The following RHEX variants were observed in gnomAD, a reference collection of about 807,000 sequenced individuals.
RHEX encodes the protein regulator of hemoglobinization and erythroid cell expansion.
A neutral mutation model predicts 20.1 loss-of-function variants in RHEX; 18 were observed. The ratio of observed to expected loss-of-function variants is 0.90; its 90% CI spans 0.62 to 1.33. RHEX has a LOEUF of 1.33. RHEX is among the 40% of genes most tolerant of loss of function. RHEX has a pLI of 0.00. For missense variants in RHEX, 192 were observed against 214.3 expected (o/e 0.90, Z 0.65); for synonymous variants, 87 against 77.1 (o/e 1.13, Z -0.67).
chr1:206,085,625 G>A (rs1553286346), intron 1 of RHEX, among the ~76,000 whole-genome samples: 2 of 152,104 alleles, frequency 1.3e-5, no homozygotes, highest in East Asian at 3.8e-4. Context: ...TTGCTTTCCT[G>A]CTAGAAATTG....
chr1:206,100,904 A>C (rs888181776), intron 4 of RHEX, among the ~76,000 whole-genome samples: 5 of 152,142 alleles, frequency 3.3e-5, no homozygotes, highest in African/African-American at 1.2e-4. Flanking sequence ...CCTCTTGGAC[A>C]TGTCCCTGCC....
intron 1 of RHEX, among the ~76,000 whole-genome samples, chr1:206,068,512 A>T (rs782300047): frequency 1.2e-4 from 18 of 152,130 alleles, no homozygotes; most frequent in Non-Finnish European, 2.2e-4. Context: ...AGCAGAAATA[A>T]GGGGGAAGTG....
intron 1 of RHEX, among the ~76,000 whole-genome samples, chr1:206,090,307 G>T (rs1662922815): frequency 6.8e-6 from 1 of 148,046 alleles, no homozygotes; most frequent in African/African-American, 2.5e-5. Context: ...CTAGGTTCAA[G>T]CGATTCTCCT....
intron 1 of RHEX, among the ~76,000 whole-genome samples, chr1:206,066,780 G>T (rs1194156445): frequency 1.3e-5 from 2 of 152,222 alleles, no homozygotes; most frequent in Non-Finnish European, 2.9e-5. Flanking sequence ...AAATATTTAT[G>T]AAGGGTCCTA....
Position 206,098,414 on chromosome 1 carries a change from A to G in RHEX, c.112+233A>G, listed in dbSNP as rs781819914. ...TTTCTGGCTGGAAGTGGCCATCCAC[A>G]TCCGTCTACTACCCAGACCTTCTGC... On this transcript the variant is annotated intron_variant, in intron 3 of 5. Transcript: ENST00000331555. The G allele has an allele frequency of 5.6e-5, 29 of 518,860 alleles. No individual in the cohort carries two copies. The Middle Eastern group carries it at 3.6e-3, about 65-fold the overall frequency. The allele number at this position is 518,860 out of a possible 1,614,324, so 32.1% of individuals were successfully genotyped here. A position where few individuals can be genotyped will look rare whatever the true frequency, so the allele number is the denominator to read the frequency against.
chr1:206,097,925 T>G (rs1663108357), intron 2 of RHEX, 86 bp downstream of exon 2: 5 of 1,230,352 alleles, frequency 4.1e-6, no homozygotes, highest in Non-Finnish European at 6.0e-6. Context: ...GCACCCTTCC[T>G]GGCTGCCCCA....
rs775010709 is a variant in RHEX, at chr1:206,078,546, G to A, written c.-96-19187G>A. Among the ~76,000 whole-genome samples, 28 of 152,214 alleles carry A rather than the reference G, an allele frequency of 1.8e-4. No individual in the cohort carries two copies. In the East Asian group the frequency reaches 3.1e-3, roughly 17 times the overall value. On this transcript the variant is annotated intron_variant, in intron 1 of 5. Transcript: ENST00000331555. Reference sequence around the variant, plus strand: ...ACTGCACTCCAGTATGGGCAACAGAGTGAGACCCTGTTTCCAAAAAAATAA... The same window carrying A: ...ACTGCACTCCAGTATGGGCAACAGAATGAGACCCTGTTTCCAAAAAAATAA...
At chr1:206,097,541 T>G (rs1553287834) in intron 1 of RHEX, 192 bp from the exon 2 acceptor site, 1 of 506,502 alleles carries the variant, frequency 2.0e-6, no homozygotes. Context: ...GTGAAAATGT[T>G]AAGTGCACTT....
intron 1 of RHEX, 119 bp downstream of exon 1, chr1:206,053,384 T>C (rs1662110536): frequency 6.5e-6 from 1 of 153,164 alleles, no homozygotes; most frequent in South Asian, 2.1e-4. Context: ...GATTGTGTGA[T>C]ACTTTGGTTT....
At chr1:206,065,519 T>C (rs996267701) in intron 1 of RHEX, among the ~76,000 whole-genome samples, 2 of 152,106 alleles carry the variant, frequency 1.3e-5, no homozygotes, top group African/African-American at 4.8e-5. Flanking sequence ...GTGGGAAAGG[T>C]TCCTGGGGAG....
intron 1 of RHEX, among the ~76,000 whole-genome samples, chr1:206,076,228 C>G (rs1662634921): frequency 6.6e-6 from 1 of 151,804 alleles, no homozygotes; most frequent in Non-Finnish European, 1.5e-5. Flanking sequence ...GGTCACAGCT[C>G]ACTGCAGCCT....
intron 1 of RHEX, among the ~76,000 whole-genome samples, chr1:206,068,416 A>G (rs571367960): frequency 6.6e-6 from 1 of 152,230 alleles, no homozygotes; most frequent in Non-Finnish European, 1.5e-5. Context: ...CAGTAAAGCC[A>G]CTGAACACAG....
intron 1 of RHEX, chr1:206,061,273 C>T (rs1175044822): frequency 6.6e-6 from 1 of 152,196 alleles, no homozygotes; most frequent in Non-Finnish European, 1.5e-5. Flanking sequence ...AAGCCCTAAA[C>T]CCAGCAAACA....
chr1:206,066,198 C>G (rs1662419303), intron 1 of RHEX, among the ~76,000 whole-genome samples: 1 of 152,268 alleles, frequency 6.6e-6, no homozygotes, highest in South Asian at 2.1e-4. Context: ...TCTCTGCAGT[C>G]TCGTTGCTCT....
intron 1 of RHEX, among the ~76,000 whole-genome samples, chr1:206,082,640 T>C (rs1468155711): frequency 6.6e-6 from 1 of 152,124 alleles, no homozygotes; most frequent in Non-Finnish European, 1.5e-5. Context: ...ATTTAAAAAA[T>C]ATCAGATATT....
chr1:206,060,701 TC>T (rs1662293473), intron 1 of RHEX: 1 of 152,304 alleles, frequency 6.6e-6, no homozygotes, highest in Admixed American at 6.5e-5. Flanking sequence ...TGGATGGTCC[TC>T]ATGTCTCTTA....
chr1:206,096,894 C>G (rs892405766), intron 1 of RHEX, among the ~76,000 whole-genome samples: 2 of 151,906 alleles, frequency 1.3e-5, no homozygotes, highest in African/African-American at 4.8e-5. Context: ...CCCACCTCAG[C>G]CTCCTAAGTA....
At chr1:206,080,679 G>A (rs1470095184) in intron 1 of RHEX, among the ~76,000 whole-genome samples, 1 of 152,164 alleles carries the variant, frequency 6.6e-6, no homozygotes, top group Non-Finnish European at 1.5e-5. Context: ...GCAGGAGTCT[G>A]TCAGCTCAAA....
intron 1 of RHEX, chr1:206,080,372 C>T (rs1243271172): frequency 2.6e-5 from 4 of 152,140 alleles, no homozygotes; most frequent in African/African-American, 9.7e-5. Flanking sequence ...ACAACATTCC[C>T]TACTTTAAAA....
Sources: gnomAD v4.1 joint callset for allele counts (sites outside exome capture counted in the v4.1 genomes callset) on GRCh38, gnomAD v4.1.1 for gene constraint, MANE v1.5 for transcripts, NCBI Gene and HGNC (gene_info 2026-07-23, HGNC 2026-07-21) for gene names.